Variants in CELF1 observed in about 807,000 individuals in gnomAD.
CELF1 encodes the protein 50 kDa nuclear polyadenylated RNA-binding protein.
Under a neutral mutation model 61.8 loss-of-function variants are expected in CELF1, and 10 were observed. That is an observed-to-expected ratio of 0.16 (90% CI 0.10 to 0.27). The LOEUF (loss-of-function observed/expected upper bound fraction) is 0.27, where lower values mean the gene tolerates loss of function less well. CELF1 is among the 10% of genes least tolerant of loss of function. CELF1 has a pLI of 1.00. For missense variants in CELF1, 380 were observed against 639.1 expected (o/e 0.59, Z 4.37); for synonymous variants, 236 against 225.1 (o/e 1.05, Z -0.43).
At chr11:47,507,584 A>T (rs2094614170) in intron 1 of CELF1, among the ~76,000 whole-genome samples, 1 of 152,342 alleles carries the variant, frequency 6.6e-6, no homozygotes, top group East Asian at 1.9e-4. Context: ...CTGATTCTAT[A>T]AAACTGCCCA....
At chr11:47,530,101 GTATATAAAGTGCA>G (rs1178912280) in intron 1 of CELF1, among the ~76,000 whole-genome samples, 1 of 152,122 alleles carries the variant, frequency 6.6e-6, no homozygotes, top group Non-Finnish European at 1.5e-5. Flanking sequence ...TGCGCATATT[GTATATAAAGTGCA>G]TATTTAGAGG....
intron 2 of CELF1, among the ~76,000 whole-genome samples, chr11:47,560,679 A>G (rs2097222256): frequency 6.6e-6 from 1 of 152,226 alleles, no homozygotes; most frequent in East Asian, 1.9e-4. Context: ...CTGTGAGTAT[A>G]TTAACAAACA....
intron 2 of CELF1, among the ~76,000 whole-genome samples, chr11:47,560,364 A>G (rs1469353159): frequency 1.3e-5 from 2 of 152,208 alleles, no homozygotes; most frequent in East Asian, 3.8e-4. Flanking sequence ...TAGTGAGTGG[A>G]GGATGCGCCA....
intron 9 of CELF1, 102 bp downstream of exon 9, chr11:47,482,593 C>T (rs1468520491): frequency 4.4e-6 from 5 of 1,142,444 alleles, no homozygotes; most frequent in African/African-American, 1.6e-5. Context: ...TTTCTATATG[C>T]CAAAAGTTGT....
At position 47,471,595 on chromosome 11, in the gene CELF1, G is replaced by C. The variant is rs887196183; in HGVS notation, c.*635C>G. ...ATGCCCTTTTTTGAAAAGAGCAGCAGAAATTCCGGACAAGAATCTGAAAAA... is the reference window on the plus strand; with the variant it reads ...ATGCCCTTTTTTGAAAAGAGCAGCACAAATTCCGGACAAGAATCTGAAAAA... On this transcript the variant is annotated 3_prime_UTR_variant, in exon 15 of 15. Coordinates refer to ENST00000687097, the MANE Select transcript of CELF1 (RefSeq NM_001376376.1). The C allele has an allele frequency of 6.6e-6, 1 of 152,190 alleles. No homozygotes were observed. Among genetic ancestry groups the C allele is most frequent in the African/African-American group, 2.4e-5 (1 of 41,426 alleles). 9.4% of individuals were successfully genotyped at this position (152,190 alleles called of 1,614,324 possible).
At chr11:47,555,258 T>G (rs2097202551), upstream of CELF1, among the ~76,000 whole-genome samples, 1 of 152,194 alleles carries the variant, frequency 6.6e-6, no homozygotes, top group Non-Finnish European at 1.5e-5. Context: ...TTATTATATC[T>G]CCAGTGCTTT....
chr11:47,514,578 A>G (rs1399414614), intron 1 of CELF1, among the ~76,000 whole-genome samples: 4 of 151,612 alleles, frequency 2.6e-5, no homozygotes, highest in African/African-American at 4.8e-5. Context: ...CTTTTTGGCC[A>G]GGCATGATGG....
intron 1 of CELF1, among the ~76,000 whole-genome samples, chr11:47,514,369 C>G (rs146988624): frequency 1.2e-4 from 18 of 152,240 alleles, no homozygotes; most frequent in South Asian, 2.1e-4. Context: ...AAGCTTGACT[C>G]TGCCAATAGC....
At chr11:47,493,908 T>C (rs1013793697) in intron 3 of CELF1, among the ~76,000 whole-genome samples, 1 of 152,232 alleles carries the variant, frequency 6.6e-6, no homozygotes, top group African/African-American at 2.4e-5. Context: ...GTTGTCATTA[T>C]GATTAAAAGT....
At chr11:47,533,948 A>C (rs892980836) in intron 1 of CELF1, among the ~76,000 whole-genome samples, 1 of 151,124 alleles carries the variant, frequency 6.6e-6, no homozygotes, top group African/African-American at 2.4e-5. Context: ...ACTCAACTGA[A>C]GTTTCTATGA....
chr11:47,527,932 C>T (rs2096308635), intron 1 of CELF1, among the ~76,000 whole-genome samples: 1 of 152,048 alleles, frequency 6.6e-6, no homozygotes, highest in African/African-American at 2.4e-5. Context: ...CCCGTCTCTA[C>T]TAAAAATACA....
chr11:47,477,229 C>T, intron 11 of CELF1, 68 bp downstream of exon 11: 3 of 1,567,718 alleles, frequency 1.9e-6, no homozygotes, highest in Non-Finnish European at 2.6e-6. Flanking sequence ...CCTCTCTGGA[C>T]TCTGCCTTTA....
chr11:47,491,453 C>G (rs554510899), intron 3 of CELF1, among the ~76,000 whole-genome samples: 2 of 152,328 alleles, frequency 1.3e-5, no homozygotes, highest in South Asian at 4.1e-4. Flanking sequence ...GCCACCGCAC[C>G]CAGCCTTGAA....
chr11:47,563,690 A>G (rs2097233925), intron 2 of CELF1, among the ~76,000 whole-genome samples: 1 of 151,446 alleles, frequency 6.6e-6, no homozygotes, highest in African/African-American at 2.5e-5. Flanking sequence ...CTCCGTCTCA[A>G]AAACAAAATA....
intron 1 of CELF1, among the ~76,000 whole-genome samples, chr11:47,550,885 G>A (rs375172259): frequency 6.6e-6 from 1 of 152,044 alleles, no homozygotes; most frequent in Non-Finnish European, 1.5e-5. Flanking sequence ...ATAAACTGAG[G>A]AGCAGAACAG....
chr11:47,496,947 G>C (rs187683147), intron 3 of CELF1, among the ~76,000 whole-genome samples: 2 of 152,328 alleles, frequency 1.3e-5, no homozygotes, highest in Middle Eastern at 3.4e-3. Flanking sequence ...TCTGGAGGAT[G>C]AAATAAGGCA....
At chr11:47,524,318 TACC>T (rs1444977564) in intron 1 of CELF1, among the ~76,000 whole-genome samples, 5 of 151,936 alleles carry the variant, frequency 3.3e-5, no homozygotes. Context: ...AAAAAAACAC[TACC>T]ACTTCAACAA....
chr11:47,480,805 T>C (rs181136203), intron 9 of CELF1, among the ~76,000 whole-genome samples: 7 of 152,212 alleles, frequency 4.6e-5, no homozygotes, highest in Non-Finnish European at 8.8e-5. Flanking sequence ...GAGGGCAAGG[T>C]AGGCAAATCA....
chr11:47,487,333 G>A, intron 4 of CELF1, 92 bp from the exon 5 acceptor site: 1 of 931,644 alleles, frequency 1.1e-6, no homozygotes, highest in Non-Finnish European at 1.7e-6. Context: ...GATCTTAAAA[G>A]AGGGCTGGGT....
Sources: gnomAD v4.1 joint callset for allele counts (sites outside exome capture counted in the v4.1 genomes callset) on GRCh38, gnomAD v4.1.1 for gene constraint, MANE v1.5 for transcripts, NCBI Gene and HGNC (gene_info 2026-07-23, HGNC 2026-07-21) for gene names.